Variants in PSMD1 observed in about 807,000 individuals in gnomAD.
The protein encoded by PSMD1 is 26S proteasome non-ATPase regulatory subunit 1.
Under a neutral mutation model 119.0 loss-of-function variants are expected in PSMD1, and 18 were observed. The ratio of observed to expected loss-of-function variants is 0.15; its 90% CI spans 0.10 to 0.22. PSMD1 has a LOEUF of 0.22. Among genes scored for constraint, PSMD1 ranks in the 10% least tolerant of loss-of-function variants. The pLI is 1.00. For synonymous variants in PSMD1, 374 were observed against 396.6 expected (o/e 0.94, Z 0.68); for missense variants, 702 against 1,158.5 (o/e 0.61, Z 5.72).
chr2:231,138,665 G>A, intron 16 of PSMD1, 71 bp from the exon 17 acceptor site: 1 of 1,182,980 alleles, frequency 8.5e-7, no homozygotes, highest in South Asian at 1.3e-5. Flanking sequence ...AAACAACTTG[G>A]TTAAAACTCT....
At chr2:231,145,128 T>C (rs1042997371) in intron 17 of PSMD1, among the ~76,000 whole-genome samples, 10 of 152,218 alleles carry the variant, frequency 6.6e-5, no homozygotes. Flanking sequence ...GATGAAATTA[T>C]TGACTTAGAG....
intron 16 of PSMD1, among the ~76,000 whole-genome samples, chr2:231,098,600 G>C (rs1382622638): frequency 6.7e-6 from 1 of 148,448 alleles, no homozygotes. Flanking sequence ...TTCTTTCCCT[G>C]CCTCTGCCAG....
chr2:231,129,018 A>G (rs1399724987), intron 16 of PSMD1, among the ~76,000 whole-genome samples: 1 of 152,236 alleles, frequency 6.6e-6, no homozygotes, highest in Non-Finnish European at 1.5e-5. Flanking sequence ...ACCTGGAATT[A>G]TAGTTGATGA....
rs1166202239 is a variant in PSMD1, at chr2:231,066,973, A to C, written c.372A>C (p.Lys124Asn). 6.2e-7 allele frequency: 1 copy of C among 1,613,300 alleles called. No individual in the cohort carries two copies. The highest frequency in any genetic ancestry group is 1.3e-5 in the African/African-American group (1 of 74,924). The change falls in exon 5 of 25, where the codon AAA becomes AAC. Residue 124 changes from lysine to asparagine, a missense_variant. By Grantham distance (94) the Lys-to-Asn change is moderately conservative (BLOSUM62 0). Around this residue, in one of 9 missense-constraint regions of PSMD1, gnomAD observed 50 missense variants for 41.8 expected, o/e 1.20. Coordinates refer to ENST00000308696, the MANE Select transcript of PSMD1 (RefSeq NM_002807.4). The stretch of plus-strand genomic sequence containing the variant: ...CAGATTTGCCTGAAGGAGAAAAAAA[A>C]CCAATTGACCAGAGATTGGAAGGCA... ...ENADLPEGEKKPIDQRLEGIV... is the reference protein window; with the variant it reads ...ENADLPEGEKNPIDQRLEGIV...
chr2:231,083,889 A>G (rs1694372324), intron 14 of PSMD1, 126 bp downstream of exon 14: 1 of 884,272 alleles, frequency 1.1e-6, no homozygotes, highest in African/African-American at 1.7e-5. Context: ...ACTTCTGGCA[A>G]TGTATATGAA....
intron 16 of PSMD1, among the ~76,000 whole-genome samples, chr2:231,137,642 G>A (rs923432425): frequency 7.2e-5 from 11 of 151,912 alleles, no homozygotes; most frequent in African/African-American, 1.2e-4. Context: ...GGTAGATCCC[G>A]TCACCCAAGT....
intron 16 of PSMD1, among the ~76,000 whole-genome samples, chr2:231,117,792 G>A (rs1486761395): frequency 6.6e-6 from 1 of 152,064 alleles, no homozygotes; most frequent in Non-Finnish European, 1.5e-5. Context: ...ATAGGTTGAC[G>A]CACAAGTATT....
intron 18 of PSMD1, among the ~76,000 whole-genome samples, chr2:231,150,296 G>A (rs975741908): frequency 4.1e-4 from 62 of 150,930 alleles, no homozygotes; most frequent in African/African-American, 1.0e-3. Context: ...GCAGTGAGCC[G>A]AGATCACACC....
At chr2:231,092,622 T>G (rs1418050716) in intron 16 of PSMD1, among the ~76,000 whole-genome samples, 1 of 152,172 alleles carries the variant, frequency 6.6e-6, no homozygotes, top group Non-Finnish European at 1.5e-5. Flanking sequence ...AAAACTGTGA[T>G]TGATGCCACG....
intron 5 of PSMD1, among the ~76,000 whole-genome samples, chr2:231,068,830 A>G (rs1246583241): frequency 6.6e-6 from 1 of 152,234 alleles, no homozygotes; most frequent in Non-Finnish European, 1.5e-5. Context: ...GCTAAAGAGA[A>G]GCCTTAAACT....
chr2:231,057,364 C>T (rs1441668258), intron 1 of PSMD1, among the ~76,000 whole-genome samples: 2 of 152,162 alleles, frequency 1.3e-5, no homozygotes, highest in East Asian at 1.9e-4. Context: ...CATTCTTGGC[C>T]GTGTGAGGTC....
chr2:231,134,633 A>G (rs1695928836), intron 16 of PSMD1, among the ~76,000 whole-genome samples: 2 of 152,258 alleles, frequency 1.3e-5, no homozygotes, highest in African/African-American at 2.4e-5. Flanking sequence ...CCTCTACACA[A>G]AATCAATATG....
At chr2:231,155,561 G>T (rs1696466204) in intron 19 of PSMD1, among the ~76,000 whole-genome samples, 1 of 150,678 alleles carries the variant, frequency 6.6e-6, no homozygotes, top group African/African-American at 2.4e-5. Flanking sequence ...TTCTTTATTA[G>T]GTTTGCCAGT....
At chr2:231,149,425 G>A (rs185277463) in intron 18 of PSMD1, among the ~76,000 whole-genome samples, 92 of 152,164 alleles carry the variant, frequency 6.0e-4, no homozygotes, top group African/African-American at 2.2e-3. Flanking sequence ...GCTTGAGCCT[G>A]GGAGTTCAAG....
rs752653710 is a variant in PSMD1, at chr2:231,083,011, A to G, written c.1525+17A>G. On this transcript the variant is annotated intron_variant, in intron 13 of 24. Coordinates refer to ENST00000308696, the MANE Select transcript of PSMD1 (RefSeq NM_002807.4). ...CAGTAACAGGTAAGCATTTCTTTCT[A>G]AAGCTAACAAGCTTAAGTATTAATT... The G allele has an allele frequency of 4.6e-6, 7 of 1,537,662 alleles. No homozygotes were observed. Among genetic ancestry groups the G allele is most frequent in the Non-Finnish European group, 5.4e-6 (6 of 1,111,888 alleles).
intron 19 of PSMD1, among the ~76,000 whole-genome samples, chr2:231,157,703 A>C (rs1696543311): frequency 6.6e-6 from 1 of 151,564 alleles, no homozygotes; most frequent in African/African-American, 2.4e-5. Context: ...TGTAGCTGGG[A>C]CTACAGGTGC....
chr2:231,090,602 G>A (rs1365271773), intron 16 of PSMD1, among the ~76,000 whole-genome samples: 2 of 152,132 alleles, frequency 1.3e-5, no homozygotes, highest in Admixed American at 6.5e-5. Context: ...GCCATAAAAC[G>A]TGATTCCTCT....
At chr2:231,075,658 C>A in intron 8 of PSMD1, 87 bp downstream of exon 8, 1 of 1,157,864 alleles carries the variant, frequency 8.6e-7, no homozygotes, top group Non-Finnish European at 1.2e-6. Flanking sequence ...CGGCTCACTA[C>A]AACCTCTGCC....
intron 16 of PSMD1, among the ~76,000 whole-genome samples, chr2:231,096,619 T>C (rs1262559880): frequency 6.6e-6 from 1 of 152,238 alleles, no homozygotes; most frequent in Non-Finnish European, 1.5e-5. Flanking sequence ...AGCACTTGAA[T>C]ATAAAATTTT....
Sources: allele counts gnomAD v4.1 joint callset (sites outside exome capture counted in the v4.1 genomes callset), GRCh38; gene constraint gnomAD v4.1.1; regional missense constraint gnomAD v4.1.1; transcripts MANE v1.5; gene names NCBI Gene and HGNC (gene_info 2026-07-23, HGNC 2026-07-21).